CEP112: variants seen among roughly 807,000 people sequenced by gnomAD.
The protein encoded by CEP112 is centrosomal protein of 112 kDa.
A neutral mutation model predicts 153.0 loss-of-function variants in CEP112; 127 were observed. The observed-to-expected ratio is 0.83, with a 90% CI of 0.72 to 0.96. The LOEUF (loss-of-function observed/expected upper bound fraction) is 0.96. Among genes scored for constraint, CEP112 ranks in the 40% least tolerant of loss-of-function variants. The pLI is 0.00. For missense variants in CEP112, 1,089 were observed against 1,101.2 expected, an observed-to-expected ratio of 0.99 and a Z score of 0.16; for synonymous variants, 358 against 374.4, an observed-to-expected ratio of 0.96 and a Z score of 0.51.
At chr17:65,907,300 T>C (rs1253545373) in intron 19 of CEP112, among the ~76,000 whole-genome samples, 1 of 152,212 alleles carries the variant, frequency 6.6e-6, no homozygotes, top group African/African-American at 2.4e-5. Flanking sequence ...ACTTTATTCA[T>C]TTTTAAAAAT....
At chr17:65,999,837 C>T (rs1047293317) in intron 17 of CEP112, among the ~76,000 whole-genome samples, 3 of 151,964 alleles carry the variant, frequency 2.0e-5, no homozygotes, top group Non-Finnish European at 2.9e-5. Context: ...TTTCTGTTCC[C>T]GCATTAGTTT....
intron 24 of CEP112, among the ~76,000 whole-genome samples, chr17:65,650,658 G>A (rs1189493175): frequency 6.7e-6 from 1 of 148,664 alleles, no homozygotes; most frequent in African/African-American, 2.5e-5. Context: ...CACTTTGGGA[G>A]GCCAAGGTGG....
chr17:65,914,051 T>C (rs775022930), intron 19 of CEP112, among the ~76,000 whole-genome samples: 2 of 151,988 alleles, frequency 1.3e-5, no homozygotes, highest in Non-Finnish European at 2.9e-5. Flanking sequence ...TTTTCATGGT[T>C]CAATAATGGA....
chr17:65,811,719 T>C (rs2055969460), intron 21 of CEP112, among the ~76,000 whole-genome samples: 5 of 152,322 alleles, frequency 3.3e-5, no homozygotes, highest in Non-Finnish European at 7.3e-5. Flanking sequence ...GTGAATGAGA[T>C]AGTGTGAAGC....
chr17:65,752,000 ATCT>A (rs2051896120), intron 21 of CEP112, among the ~76,000 whole-genome samples: 1 of 126,494 alleles, frequency 7.9e-6, no homozygotes, highest in Non-Finnish European at 1.7e-5. Context: ...CTATCTATCT[ATCT>A]ACTGTTCCTT....
At position 65,851,990 on chromosome 17, in the gene CEP112, T is replaced by A; in HGVS notation, c.2208A>T (p.Glu736Asp). 1.9e-6 allele frequency: 3 copies of A among 1,613,006 alleles called. No homozygotes were observed. Among genetic ancestry groups the A allele is most frequent in the Non-Finnish European group, 2.5e-6 (3 of 1,179,754 alleles). The change falls in exon 21 of 27, where the codon GAA (glutamate) becomes GAT (aspartate). Residue 736 changes from glutamate to aspartate, a missense_variant. Physicochemically the swap from Glu to Asp is conservative, Grantham distance 45. Transcript: ENST00000535342. ...TCCGCTGTGAGTTCACATTGATCAA[T>A]TCTTCTCTCAACTTGTGAACCTGGG... ...MEAQVHKLRE[E>D]LINVNSQRKQ...
chr17:65,776,421 A>G (rs959140077), intron 21 of CEP112, among the ~76,000 whole-genome samples: 4 of 152,156 alleles, frequency 2.6e-5, no homozygotes, highest in African/African-American at 9.7e-5. Flanking sequence ...TTTTTAGTAG[A>G]GATGGATGTT....
At chr17:66,058,209 T>A (rs1303840393) in intron 11 of CEP112, among the ~76,000 whole-genome samples, 5 of 152,242 alleles carry the variant, frequency 3.3e-5, no homozygotes, top group African/African-American at 1.2e-4. Flanking sequence ...CCCTTGTAAG[T>A]GGCAGAAGCC....
chr17:66,061,640 GCAA>G (rs1012425217), intron 11 of CEP112, among the ~76,000 whole-genome samples: 1 of 151,806 alleles, frequency 6.6e-6, no homozygotes, highest in Non-Finnish European at 1.5e-5. Context: ...CCTGCCATTT[GCAA>G]CAACATGGAC....
intron 21 of CEP112, among the ~76,000 whole-genome samples, chr17:65,844,706 TAAA>T (rs2057658383): frequency 6.9e-6 from 1 of 144,852 alleles, no homozygotes; most frequent in Non-Finnish European, 1.5e-5. Flanking sequence ...TGTTCTAAAA[TAAA>T]GAAATAACAC....
At chr17:65,876,657 T>G (rs920114347) in intron 20 of CEP112, among the ~76,000 whole-genome samples, 3 of 152,146 alleles carry the variant, frequency 2.0e-5, no homozygotes, top group African/African-American at 7.2e-5. Context: ...AGCTAATTCC[T>G]CCACTACATT....
intron 24 of CEP112, among the ~76,000 whole-genome samples, chr17:65,662,322 A>G (rs1221224752): frequency 1.3e-5 from 2 of 152,212 alleles, no homozygotes; most frequent in Non-Finnish European, 2.9e-5. Context: ...AACCTTAAGA[A>G]ACAGTACTGG....
rs141089812 is a variant in CEP112 at position 65,961,513 on chromosome 17, G to T, written c.1822C>A (p.Arg608=). The stretch of plus-strand genomic sequence containing the variant: ...TTCTCTGAGTTCAGTTCCACCTGCC[G>T]CTTAAACTCTTCCAGAGCGGCATCT... ...QADAALEEFK[R]QVELNSEKVY... is the part of the protein sequence containing the mutation. Residue 608 remains arginine (R), a synonymous_variant, in exon 18 of 27, where the codon CGG becomes AGG. Transcript: ENST00000535342. 3 of 1,613,176 alleles carry T rather than the reference G, an allele frequency of 1.9e-6. No individual in the cohort carries two copies. In the Admixed American group the frequency reaches 5.0e-5, roughly 27 times the overall value.
intron 21 of CEP112, among the ~76,000 whole-genome samples, chr17:65,769,616 A>G (rs568024647): frequency 8.5e-5 from 13 of 152,180 alleles, no homozygotes; most frequent in African/African-American, 3.1e-4. Flanking sequence ...ATCCAAACAT[A>G]TATGGCCAAC....
At chr17:66,049,254 G>A (rs2066341723) in intron 12 of CEP112, among the ~76,000 whole-genome samples, 1 of 151,682 alleles carries the variant, frequency 6.6e-6, no homozygotes, top group Non-Finnish European at 1.5e-5. Context: ...TAAACCCAAG[G>A]GACATGGGCT....
intron 21 of CEP112, among the ~76,000 whole-genome samples, chr17:65,808,885 C>G (rs1026847759): frequency 2.0e-5 from 3 of 152,198 alleles, no homozygotes; most frequent in African/African-American, 7.2e-5. Context: ...AAAAATGAAC[C>G]AATACAATCA....
rs1157937608 is a variant in CEP112 at position 66,031,495 on chromosome 17, T to TG, written c.1219-1473_1219-1472insC. Among the ~76,000 whole-genome samples the TG allele has an allele frequency of 2.9e-4, 44 of 150,378 alleles. 1 individual carries two copies. The highest frequency in any genetic ancestry group is 8.4e-4 in the South Asian group (4 of 4,734). ...TTTGTTTTTTTTTTTTGTTTTTTTT[T>TG]TTTTTTGAGACAGGGTCTCATAGCG... On this transcript the variant is annotated intron_variant, in intron 12 of 26. Transcript: ENST00000535342.
At chr17:65,832,708 T>C (rs1186990713) in intron 21 of CEP112, among the ~76,000 whole-genome samples, 2 of 150,626 alleles carry the variant, frequency 1.3e-5, no homozygotes, top group African/African-American at 5.0e-5. Context: ...GAATCAGTAA[T>C]AAATAGCCTA....
chr17:66,055,963 C>G (rs1351426775), intron 11 of CEP112, among the ~76,000 whole-genome samples: 1 of 152,174 alleles, frequency 6.6e-6, no homozygotes, highest in Non-Finnish European at 1.5e-5. Context: ...CCAAACCTAA[C>G]AATGAATTGG....
Sources: allele counts gnomAD v4.1 joint callset (sites outside exome capture counted in the v4.1 genomes callset), GRCh38; gene constraint gnomAD v4.1.1; transcripts MANE v1.5; gene names NCBI Gene and HGNC (gene_info 2026-07-23, HGNC 2026-07-21).